Variants in SGCD observed in about 807,000 individuals in gnomAD.
SGCD encodes sarcoglycan delta.
SGCD carries 18 observed loss-of-function variants against 36.6 expected under a neutral mutation model. That is an observed-to-expected ratio of 0.49 (90% CI 0.34 to 0.73). The LOEUF (loss-of-function observed/expected upper bound fraction) is 0.73. SGCD is among the 30% of genes least tolerant of loss of function. The probability of loss-of-function intolerance (pLI) is 0.01; values close to 1 mark genes in which losing one functional copy is unlikely to be tolerated. For missense variants in SGCD, 387 were observed against 346.7 expected (o/e 1.12, Z -0.92); for synonymous variants, 133 against 130.6 (o/e 1.02, Z -0.12).
chr5:156,317,439 AAG>A (rs1256574018), intron 3 of SGCD, among the ~76,000 whole-genome samples: 1 of 152,160 alleles, frequency 6.6e-6, no homozygotes, highest in African/African-American at 2.4e-5. Flanking sequence ...CACTAGAGCC[AAG>A]AAATTCTAAC....
At chr5:155,979,396 T>G (rs982444863) in intron 1 of SGCD, among the ~76,000 whole-genome samples, 1 of 152,206 alleles carries the variant, frequency 6.6e-6, no homozygotes, top group Non-Finnish European at 1.5e-5. Context: ...TCTGTACAAC[T>G]GTTCTTCTAG....
At chr5:155,811,184 G>A in the SGCD span, among the ~76,000 whole-genome samples, 2 of 152,048 alleles carry the variant, frequency 1.3e-5, no homozygotes, top group African/African-American at 4.8e-5. Flanking sequence ...ACTACCAATA[G>A]ATCATTATGT....
At chr5:156,135,079 C>T (rs1762423417) in intron 3 of SGCD, among the ~76,000 whole-genome samples, 1 of 152,180 alleles carries the variant, frequency 6.6e-6, no homozygotes, top group Admixed American at 6.5e-5. Flanking sequence ...GTTCCCAACT[C>T]TGCATAGCGT....
At chr5:156,458,506 A>G (rs1754350899) in intron 3 of SGCD, 11 of 1,583,226 alleles carry the variant, frequency 6.9e-6, no homozygotes, top group Non-Finnish European at 9.5e-6. Context: ...GGCTTCGTTA[A>G]CCTACAACAA....
chr5:156,394,686 C>T (rs1339963140), intron 3 of SGCD, among the ~76,000 whole-genome samples: 1 of 152,084 alleles, frequency 6.6e-6, no homozygotes, highest in East Asian at 1.9e-4. Context: ...TAAGTGTCTG[C>T]TTTTTTCCTT....
chr5:155,909,103 G>C (rs1360436844), intron 1 of SGCD, among the ~76,000 whole-genome samples: 3 of 151,988 alleles, frequency 2.0e-5, no homozygotes, highest in African/African-American at 7.2e-5. Context: ...GAGAGGGTGG[G>C]GAATAATCTG....
chr5:156,125,100 A>G (rs1762139056), intron 3 of SGCD, among the ~76,000 whole-genome samples: 1 of 152,190 alleles, frequency 6.6e-6, no homozygotes, highest in Non-Finnish European at 1.5e-5. Flanking sequence ...ACCACATGGC[A>G]TGTTCAAGAG....
At chr5:155,979,002 G>A (rs1236013262) in intron 1 of SGCD, among the ~76,000 whole-genome samples, 1 of 152,302 alleles carries the variant, frequency 6.6e-6, no homozygotes, top group Admixed American at 6.5e-5. Flanking sequence ...TCATTAGCAT[G>A]TAGCACAGAG....
At chr5:156,591,461 C>A (rs1313227531) in intron 5 of SGCD, among the ~76,000 whole-genome samples, 3 of 152,266 alleles carry the variant, frequency 2.0e-5, no homozygotes, top group African/African-American at 7.2e-5. Context: ...GGGAACCCTC[C>A]CACCTACATG....
intron 3 of SGCD, among the ~76,000 whole-genome samples, chr5:156,305,808 G>A (rs1200826763): frequency 6.6e-6 from 1 of 152,218 alleles, no homozygotes; most frequent in Non-Finnish European, 1.5e-5. Context: ...CCCACCTCTT[G>A]CATCAGTGTG....
intron 1 of SGCD, among the ~76,000 whole-genome samples, chr5:155,906,196 A>G (rs1756508084): frequency 6.6e-6 from 1 of 152,072 alleles, no homozygotes; most frequent in Non-Finnish European, 1.5e-5. Context: ...AATATAGAGA[A>G]CTTAATTGAT....
chr5:156,001,556 T>C (rs974236038), intron 1 of SGCD, among the ~76,000 whole-genome samples: 4 of 152,222 alleles, frequency 2.6e-5, no homozygotes, highest in Admixed American at 2.6e-4. Flanking sequence ...ATGTTTTCCA[T>C]TTAAATAATA....
chr5:155,740,103 ATTTG>A, the SGCD span, among the ~76,000 whole-genome samples: 14 of 152,116 alleles, frequency 9.2e-5, no homozygotes, highest in African/African-American at 2.4e-4. Context: ...ATATGTTTTT[ATTTG>A]TTTATTTTAG....
chr5:156,083,873 G>A (rs1761029992), intron 1 of SGCD, among the ~76,000 whole-genome samples: 1 of 151,774 alleles, frequency 6.6e-6, no homozygotes, highest in Non-Finnish European at 1.5e-5. Context: ...TGTTGAATGG[G>A]CATTCTTCAG....
intron 3 of SGCD, among the ~76,000 whole-genome samples, chr5:156,252,764 T>C (rs1765615709): frequency 6.6e-6 from 1 of 152,184 alleles, no homozygotes; most frequent in Non-Finnish European, 1.5e-5. Flanking sequence ...TTTTAGAAAG[T>C]TATTTTAGAT....
chr5:156,604,229 T>A (rs2113425121), intron 6 of SGCD, among the ~76,000 whole-genome samples: 1 of 152,068 alleles, frequency 6.6e-6, no homozygotes, highest in East Asian at 1.9e-4. Context: ...TGCTTTTCAT[T>A]TCCATTTGAA....
intron 3 of SGCD, among the ~76,000 whole-genome samples, chr5:156,238,884 T>G (rs543134896): frequency 6.6e-6 from 1 of 152,276 alleles, no homozygotes; most frequent in African/African-American, 2.4e-5. Flanking sequence ...ATTAAACTTA[T>G]GGAAGAATTC....
chr5:155,861,591 G>A, the SGCD span, among the ~76,000 whole-genome samples: 304 of 152,236 alleles, frequency 2.0e-3, no homozygotes, highest in South Asian at 5.6e-3. Context: ...GGTGGCATGC[G>A]CCTGTAGTCC....
intron 3 of SGCD, among the ~76,000 whole-genome samples, chr5:156,205,666 T>C (rs928828522): frequency 2.0e-5 from 3 of 152,040 alleles, no homozygotes; most frequent in Non-Finnish European, 4.4e-5. Flanking sequence ...ATATATATAC[T>C]TTTCCATAAA....
Sources: gnomAD v4.1 joint callset for allele counts (sites outside exome capture counted in the v4.1 genomes callset) on GRCh38, gnomAD v4.1.1 for gene constraint, MANE v1.5 for transcripts, NCBI Gene and HGNC (gene_info 2026-07-23, HGNC 2026-07-21) for gene names.